The following ASAP1 variants were observed in gnomAD, a reference collection of about 807,000 sequenced individuals.
The protein encoded by ASAP1 is ArfGAP with SH3 domain, ankyrin repeat and PH domain 1, also known as arf-GAP with SH3 domain, ANK repeat and PH domain-containing protein 1.
In ASAP1, 43 loss-of-function variants were observed where a neutral mutation model predicts 145.2. The ratio of observed to expected loss-of-function variants is 0.30; its 90% confidence interval spans 0.23 to 0.38. ASAP1 has a LOEUF of 0.38. Ranked by LOEUF, ASAP1 falls within the 10% of genes least tolerant of loss-of-function variation. The pLI is 1.00. For missense variants in ASAP1, 1,018 were observed against 1,355.3 expected, an observed-to-expected ratio of 0.75 and a Z score of 3.91; for synonymous variants, 546 against 515.5, an observed-to-expected ratio of 1.06 and a Z score of -0.80.
chr8:130,267,131 AAACAAAAC>A (rs1820307025), intron 3 of ASAP1, among the ~76,000 whole-genome samples: 1 of 150,828 alleles, frequency 6.6e-6, no homozygotes, highest in South Asian at 2.1e-4. Context: ...AACAAAAAAA[AAACAAAAC>A]AAAAAACAAA....
intron 1 of ASAP1, among the ~76,000 whole-genome samples, chr8:130,403,511 C>T (rs1828888563): frequency 6.6e-6 from 1 of 151,814 alleles, no homozygotes; most frequent in Admixed American, 6.6e-5. Flanking sequence ...TCCTGTCTAC[C>T]AGGCACAATG....
rs10678909 is a variant in ASAP1 at position 130,276,728 on chromosome 8, ACTCTCT to A, written c.187-39740_187-39735del. ...CACACACACACACACACACACACAC[ACTCTCT>A]CTCTCTCTCTCTCTCTCTCTCTCTC... On this transcript the variant is annotated intron_variant, in intron 3 of 29. Transcript: ENST00000518721. 5.4e-3 allele frequency among the ~76,000 whole-genome samples: 472 copies of A among 87,294 alleles called. 8 individuals are homozygous for A. The highest frequency in any genetic ancestry group is 0.031 in the Admixed American group (227 of 7,428). The allele number at this position is 87,294 out of a possible 152,430, so 57.3% of individuals were successfully genotyped here.
intron 11 of ASAP1, among the ~76,000 whole-genome samples, chr8:130,161,796 A>C (rs2097669735): frequency 6.6e-6 from 1 of 152,176 alleles, no homozygotes; most frequent in Non-Finnish European, 1.5e-5. Context: ...CTTTTAAAAA[A>C]TACATATGTA....
chr8:130,435,477 C>T (rs1031958432), intron 1 of ASAP1, among the ~76,000 whole-genome samples: 2 of 152,206 alleles, frequency 1.3e-5, no homozygotes, highest in Non-Finnish European at 2.9e-5. Context: ...ATGCACAGGA[C>T]GCACTCAGTA....
chr8:130,179,945 A>G (rs1201292116), intron 8 of ASAP1, among the ~76,000 whole-genome samples: 1 of 151,154 alleles, frequency 6.6e-6, no homozygotes, highest in Admixed American at 6.6e-5. Context: ...CAAGGAGCCA[A>G]AGGGTTATGA....
rs147885422 is a variant in ASAP1, at chr8:130,383,666, G to A, written c.59+18219C>T. ...ACACAGCAGGGAGATGTTAGATGGG[G>A]GATAATAATGTTTATTATGTTTATG... On this transcript the variant is annotated intron_variant, in intron 2 of 29. Coordinates refer to ENST00000518721, the MANE Select transcript of ASAP1 (RefSeq NM_018482.4). 2.5e-3 allele frequency among the ~76,000 whole-genome samples: 388 copies of A among 152,220 alleles called. 1 individual carries two copies. Among genetic ancestry groups the A allele is most frequent in the African/African-American group, 8.9e-3 (370 of 41,518 alleles).
At chr8:130,315,498 C>A (rs1823611461) in intron 3 of ASAP1, among the ~76,000 whole-genome samples, 1 of 152,132 alleles carries the variant, frequency 6.6e-6, no homozygotes, top group South Asian at 2.1e-4. Flanking sequence ...GGAAGAAAAA[C>A]CCTACACATT....
At chr8:130,103,720 C>G (rs1312469548) in intron 24 of ASAP1, among the ~76,000 whole-genome samples, 4 of 152,128 alleles carry the variant, frequency 2.6e-5, no homozygotes, top group Admixed American at 2.6e-4. Context: ...CCAGGCTGGT[C>G]TTGGGTCTTG....
chr8:130,345,332 G>A (rs1302717723), intron 3 of ASAP1, among the ~76,000 whole-genome samples: 5 of 151,992 alleles, frequency 3.3e-5, no homozygotes, highest in African/African-American at 1.2e-4. Context: ...ATTGTGACTG[G>A]CTGCCCCAGA....
chr8:130,280,664 T>G (rs1277687448), intron 3 of ASAP1, among the ~76,000 whole-genome samples: 1 of 152,248 alleles, frequency 6.6e-6, no homozygotes, highest in Non-Finnish European at 1.5e-5. Context: ...GCGATTCTAT[T>G]AGAGAGTGAA....
chr8:130,115,565 G>T, intron 23 of ASAP1, 63 bp downstream of exon 23: 1 of 1,282,296 alleles, frequency 7.8e-7, no homozygotes, highest in Non-Finnish European at 1.1e-6. Context: ...AATGGATCTT[G>T]TCTACACAGA....
chr8:130,385,086 T>A (rs1047167802), intron 2 of ASAP1, among the ~76,000 whole-genome samples: 3 of 152,116 alleles, frequency 2.0e-5, no homozygotes, highest in Non-Finnish European at 4.4e-5. Flanking sequence ...AAACATCACC[T>A]CCTTCTACTA....
chr8:130,222,705 T>C (rs1028390254), intron 4 of ASAP1, among the ~76,000 whole-genome samples: 2 of 152,222 alleles, frequency 1.3e-5, no homozygotes, highest in African/African-American at 4.8e-5. Flanking sequence ...TAATTTGCAA[T>C]CACAAGTTTT....
intron 3 of ASAP1, among the ~76,000 whole-genome samples, chr8:130,313,745 A>ATGATCCACATTCTGCGTGGTC (rs1226221485): frequency 6.6e-6 from 1 of 152,238 alleles, no homozygotes; most frequent in Non-Finnish European, 1.5e-5. Flanking sequence ...TATCTCAGAC[A>ATGATCCACATTCTGCGTGGTC]TGATCCACAT....
In ASAP1 at chr8:130,180,776, C is replaced by T. The variant is rs200268356; in HGVS notation, c.635G>A (p.Arg212His). ...TTCACACATTTGGAGCTGAAAGAGGCGCCTTTCCTTCTCCATTTCTTCCGC... is the reference window on the plus strand; with the variant it reads ...TTCACACATTTGGAGCTGAAAGAGGTGCCTTTCCTTCTCCATTTCTTCCGC... ...EIAEEMEKER[R>H]LFQLQMCEYL... is the part of the protein sequence containing the mutation. The change falls in exon 8 of 30, where the codon CGC (arginine) becomes CAC (histidine). Residue 212 changes from arginine (R) to histidine (H), a missense_variant. Around this residue, in one of 9 missense-constraint regions of ASAP1, gnomAD observed 78 missense variants for 161.0 expected, o/e 0.48. Coordinates refer to ENST00000518721, the MANE Select transcript of ASAP1 (RefSeq NM_018482.4). 7.4e-6 allele frequency: 12 copies of T among 1,612,624 alleles called. No homozygotes were observed. Among genetic ancestry groups the T allele is most frequent in the African/African-American group, 2.7e-5 (2 of 74,790 alleles).
At position 130,337,087 on chromosome 8, in the gene ASAP1, C is replaced by T. The variant is rs114323904; in HGVS notation, c.186+20930G>A. 7.8e-3 allele frequency among the ~76,000 whole-genome samples: 1,194 copies of T among 152,280 alleles called. 15 individuals carry two copies. The highest frequency in any genetic ancestry group is 0.027 in the African/African-American group (1,126 of 41,558). On this transcript the variant is annotated intron_variant, in intron 3 of 29. Transcript: ENST00000518721. ...AAATAGCTAACCCAGTCAGGACTCA[C>T]ATCAGAGTTTGTATGAGGAAATAAG...
Position 130,085,937 on chromosome 8 carries a change from T to C in ASAP1, c.2573-5966A>G, listed in dbSNP as rs892781529. Among the ~76,000 whole-genome samples the C allele has an allele frequency of 2.2e-4, 33 of 152,270 alleles. No homozygotes were observed. The East Asian group carries it at 6.2e-3, about 29-fold the overall frequency. ...GTAATGCTGGGGCTATTTTGGGCAC[T>C]GTGGATGTTGTGGTTCTGGCAGGGA... On this transcript the variant is annotated intron_variant, in intron 25 of 29. Coordinates refer to ENST00000518721, the MANE Select transcript of ASAP1 (RefSeq NM_018482.4).
chr8:130,284,862 C>G (rs558542159), intron 3 of ASAP1, among the ~76,000 whole-genome samples: 1 of 149,794 alleles, frequency 6.7e-6, no homozygotes, highest in East Asian at 2.1e-4. Flanking sequence ...CACACACACA[C>G]ACACACACAC....
At chr8:130,067,481 G>A (rs936167766) in intron 27 of ASAP1, among the ~76,000 whole-genome samples, 2 of 152,090 alleles carry the variant, frequency 1.3e-5, no homozygotes, top group Non-Finnish European at 2.9e-5. Context: ...CTACTACCTC[G>A]ACCTCTTGGG....
Sources: allele counts gnomAD v4.1 joint callset (sites outside exome capture counted in the v4.1 genomes callset), GRCh38; gene constraint gnomAD v4.1.1; regional missense constraint gnomAD v4.1.1; transcripts MANE v1.5; gene names NCBI Gene and HGNC (gene_info 2026-07-23, HGNC 2026-07-21).